CCDC172: variants seen among roughly 807,000 people sequenced by gnomAD.
CCDC172 encodes coiled-coil domain containing 172.
CCDC172 carries 30 observed loss-of-function variants against 38.0 expected under a neutral mutation model. The ratio of observed to expected loss-of-function variants is 0.79; its 90% CI spans 0.59 to 1.07. The LOEUF (loss-of-function observed/expected upper bound fraction) is 1.07, where lower values mean the gene tolerates loss of function less well. Among genes scored for constraint, CCDC172 ranks in the 50% least tolerant of loss-of-function variants. The pLI, the probability that CCDC172 is intolerant of heterozygous loss-of-function variation, is 0.00. For synonymous variants in CCDC172, 78 were observed against 88.3 expected, an observed-to-expected ratio of 0.88 and a Z score of 0.66; for missense variants, 297 against 290.1, an observed-to-expected ratio of 1.02 and a Z score of -0.17.
chr10:116,340,742 GT>G lies in CCDC172; in HGVS notation c.180del (p.Phe60LeufsTer10), dbSNP rs779626879. On this transcript the variant is annotated frameshift_variant, in exon 4 of 9. Coordinates refer to ENST00000333254, the MANE Select transcript of CCDC172 (RefSeq NM_198515.3). LOFTEE classifies it high-confidence loss of function. The part of the protein sequence containing the change: ...KIKLESKVQQ[F>X]FEKSFFLQLL... The stretch of plus-strand genomic sequence containing the variant: ...GTTTTTGTACTTTGAAGGTTCAACA[GT>G]TTTTTGAAAAATCCTTCTTCTTACA... 7.0e-6 allele frequency: 11 copies of G among 1,567,252 alleles called. No individual in the cohort carries two copies. Among genetic ancestry groups the G allele is most frequent in the Non-Finnish European group, 9.6e-6 (11 of 1,146,202 alleles).
At chr10:116,372,324 T>C (rs189857492) in intron 7 of CCDC172, among the ~76,000 whole-genome samples, 1 of 152,128 alleles carries the variant, frequency 6.6e-6, no homozygotes, top group East Asian at 1.9e-4. Flanking sequence ...TTGCCTTTTT[T>C]AAAACTTACA....
At chr10:116,327,962 A>G (rs913803909) in intron 3 of CCDC172, among the ~76,000 whole-genome samples, 2 of 152,104 alleles carry the variant, frequency 1.3e-5, no homozygotes, top group African/African-American at 4.8e-5. Flanking sequence ...TTATTGACCC[A>G]TTTATCAAAC....
chr10:116,358,163 A>G (rs1222072127), intron 7 of CCDC172, among the ~76,000 whole-genome samples: 3 of 152,084 alleles, frequency 2.0e-5, no homozygotes, highest in Non-Finnish European at 4.4e-5. Flanking sequence ...TAATAGTGAA[A>G]TTAATTATAT....
intron 3 of CCDC172, among the ~76,000 whole-genome samples, chr10:116,332,381 G>T (rs565626480): frequency 4.5e-4 from 68 of 152,118 alleles, no homozygotes; most frequent in East Asian, 9.7e-4. Context: ...AATGCCTCAC[G>T]TTGTCATTCT....
intron 7 of CCDC172, among the ~76,000 whole-genome samples, chr10:116,367,190 C>T (rs751128949): frequency 6.6e-6 from 1 of 152,060 alleles, no homozygotes; most frequent in Non-Finnish European, 1.5e-5. Context: ...TTATAGTTAG[C>T]ATTTTTGTTT....
intron 7 of CCDC172, among the ~76,000 whole-genome samples, chr10:116,369,697 T>C (rs1845163649): frequency 6.6e-6 from 1 of 152,028 alleles, no homozygotes; most frequent in Non-Finnish European, 1.5e-5. Context: ...GTATATGTTG[T>C]TTTGTATTTA....
chr10:116,326,275 T>C (rs1349525269), intron 3 of CCDC172, among the ~76,000 whole-genome samples: 1 of 152,164 alleles, frequency 6.6e-6, no homozygotes. Flanking sequence ...TTCTGAGCTC[T>C]GATTGGGAAG....
intron 7 of CCDC172, among the ~76,000 whole-genome samples, chr10:116,371,753 A>G (rs549310384): frequency 4.6e-5 from 7 of 152,256 alleles, no homozygotes; most frequent in African/African-American, 1.7e-4. Context: ...TGCAGGGACT[A>G]TAACATTTAA....
At chr10:116,352,421 A>T (rs1844942230) in intron 5 of CCDC172, among the ~76,000 whole-genome samples, 1 of 152,356 alleles carries the variant, frequency 6.6e-6, no homozygotes, top group Middle Eastern at 3.4e-3. Flanking sequence ...CCTAGAAATG[A>T]TATAGATGAT....
At chr10:116,355,231 C>T (rs577850394) in intron 5 of CCDC172, among the ~76,000 whole-genome samples, 1 of 152,160 alleles carries the variant, frequency 6.6e-6, no homozygotes, top group Non-Finnish European at 1.5e-5. Flanking sequence ...ACAGGTATAC[C>T]ATTTTTTATC....
chr10:116,363,478 T>C (rs2134958875), intron 7 of CCDC172, among the ~76,000 whole-genome samples: 1 of 152,260 alleles, frequency 6.6e-6, no homozygotes, highest in East Asian at 1.9e-4. Context: ...AATTTTGTGC[T>C]TAAATGCCAC....
chr10:116,345,070 A>G (rs1475548379), intron 5 of CCDC172, among the ~76,000 whole-genome samples: 2 of 152,164 alleles, frequency 1.3e-5, no homozygotes, highest in Non-Finnish European at 2.9e-5. Context: ...AAAAAGAATA[A>G]AATTTAAGGA....
At position 116,342,303 on chromosome 10, in the gene CCDC172, T is replaced by C. The variant is rs1233120657; in HGVS notation, c.448+102T>C. On this transcript the variant is annotated intron_variant, in intron 5 of 8. Transcript: ENST00000333254. ...TTAACTTTTTCATGAGCAAATTGGG[T>C]TATTGCATAGCGATTCTTTTACTTT... 3.3e-6 allele frequency: 3 copies of C among 908,840 alleles called. No individual in the cohort carries two copies. The African/African-American group carries it at 5.3e-5, about 16-fold the overall frequency. The allele number at this position is 908,840 out of a possible 1,614,324, so 56.3% of individuals were successfully genotyped here.
At chr10:116,327,335 T>C (rs1844604726) in intron 3 of CCDC172, among the ~76,000 whole-genome samples, 1 of 152,176 alleles carries the variant, frequency 6.6e-6, no homozygotes, top group Non-Finnish European at 1.5e-5. Context: ...TAACTGAAGT[T>C]TTGTATCTTG....
chr10:116,357,575 TGTG>T, intron 6 of CCDC172, 94 bp downstream of exon 6: 1 of 1,017,376 alleles, frequency 9.8e-7, no homozygotes, highest in Non-Finnish European at 1.4e-6. Context: ...ATTAACCTGT[TGTG>T]ATATAGTGCT....
At chr10:116,339,248 G>A (rs569419775) in intron 3 of CCDC172, among the ~76,000 whole-genome samples, 2 of 152,068 alleles carry the variant, frequency 1.3e-5, no homozygotes, top group East Asian at 3.9e-4. Context: ...AAGAAAGGCA[G>A]AAGACCTGAA....
chr10:116,334,943 T>C (rs1366311840), intron 3 of CCDC172, among the ~76,000 whole-genome samples: 1 of 152,090 alleles, frequency 6.6e-6, no homozygotes, highest in Non-Finnish European at 1.5e-5. Context: ...TATGTATATT[T>C]ACCTATTTCT....
chr10:116,347,855 C>T lies in CCDC172; in HGVS notation c.448+5654C>T, dbSNP rs190524999. ...TCCTCCACCATTCTTCCCTCCCTCC[C>T]ACTACATCTCCTTTTTGAGACATTC... is the stretch of plus-strand genomic sequence containing the variant. On this transcript the variant is annotated intron_variant, in intron 5 of 8. Coordinates refer to ENST00000333254, the MANE Select transcript of CCDC172 (RefSeq NM_198515.3). Among the ~76,000 whole-genome samples the T allele has an allele frequency of 2.5e-4, 38 of 152,202 alleles. No homozygotes were observed. The East Asian group carries it at 7.4e-3, about 29-fold the overall frequency.
intron 7 of CCDC172, among the ~76,000 whole-genome samples, chr10:116,360,792 C>T (rs1845054093): frequency 6.6e-6 from 1 of 152,080 alleles, no homozygotes; most frequent in Non-Finnish European, 1.5e-5. Context: ...CTGGACTCCA[C>T]AAGAGAAAGC....
Sources: allele counts gnomAD v4.1 joint callset (sites outside exome capture counted in the v4.1 genomes callset), GRCh38; gene constraint gnomAD v4.1.1; transcripts MANE v1.5; gene names NCBI Gene and HGNC (gene_info 2026-07-23, HGNC 2026-07-21).